XXYLT1: variants seen among roughly 807,000 people sequenced by gnomAD.
XXYLT1 encodes the protein UDP-xylose:alpha-xyloside alpha-1,3-xylosyltransferase.
In XXYLT1, 20 loss-of-function variants were observed where a neutral mutation model predicts 28.9. The ratio of observed to expected loss-of-function variants is 0.69; its 90% CI spans 0.49 to 1.00. The LOEUF (loss-of-function observed/expected upper bound fraction) is 1.00, where lower values mean the gene tolerates loss of function less well. XXYLT1 is among the 50% of genes least tolerant of loss of function. The probability of loss-of-function intolerance (pLI) is 0.00; values close to 1 mark genes in which losing one functional copy is unlikely to be tolerated. For synonymous variants in XXYLT1, 257 were observed against 253.8 expected, an observed-to-expected ratio of 1.01 and a Z score of -0.12; for missense variants, 542 against 560.1, an observed-to-expected ratio of 0.97 and a Z score of 0.33.
chr3:195,082,828 A>G (rs1346619539), intron 3 of XXYLT1, among the ~76,000 whole-genome samples: 2 of 151,838 alleles, frequency 1.3e-5, no homozygotes, highest in Non-Finnish European at 2.9e-5. Context: ...GTGAAACTCC[A>G]TCTCAAAAAA....
At chr3:195,143,875 T>TAG (rs1202493178) in intron 3 of XXYLT1, among the ~76,000 whole-genome samples, 3 of 120,182 alleles carry the variant, frequency 2.5e-5, no homozygotes, top group Non-Finnish European at 5.0e-5. Context: ...GATATAGATA[T>TAG]ATATATATAT....
chr3:195,082,775 G>A (rs886376255), intron 3 of XXYLT1, among the ~76,000 whole-genome samples: 2 of 152,012 alleles, frequency 1.3e-5, no homozygotes, highest in South Asian at 2.1e-4. Context: ...CTTGAACCCC[G>A]GGGGAAGGAG....
At chr3:195,245,548 C>T (rs1485789803) in intron 1 of XXYLT1, among the ~76,000 whole-genome samples, 1 of 152,138 alleles carries the variant, frequency 6.6e-6, no homozygotes, top group Admixed American at 6.5e-5. Context: ...GTCCAGAAGC[C>T]ATTTAATTTG....
At chr3:195,193,686 G>A (rs1246819016) in intron 2 of XXYLT1, among the ~76,000 whole-genome samples, 1 of 152,146 alleles carries the variant, frequency 6.6e-6, no homozygotes, top group African/African-American at 2.4e-5. Context: ...GCACAGGAAA[G>A]GCTTATAGAT....
chr3:195,243,235 A>G (rs1489611567), intron 1 of XXYLT1, among the ~76,000 whole-genome samples: 1 of 152,106 alleles, frequency 6.6e-6, no homozygotes, highest in Non-Finnish European at 1.5e-5. Context: ...GGGGAAGGAT[A>G]GCATTAGGAG....
rs78130328 is a variant in XXYLT1, at chr3:195,208,133, G to A, written c.652+18576C>T. Among the ~76,000 whole-genome samples the A allele has an allele frequency of 6.4e-3, 978 of 152,332 alleles. 2 individuals carry two copies. Among genetic ancestry groups the A allele is most frequent in the Non-Finnish European group, 0.011 (733 of 68,026 alleles). The stretch of plus-strand genomic sequence containing the variant: ...CGACTCCTAGGAGGCAGGGATGACC[G>A]GGGGCCGTGTTAGAGGCTGCCCACC... On this transcript the variant is annotated intron_variant, in intron 2 of 3. Transcript: ENST00000310380.
At chr3:195,106,325 G>A (rs1278106110) in intron 3 of XXYLT1, among the ~76,000 whole-genome samples, 1 of 152,124 alleles carries the variant, frequency 6.6e-6, no homozygotes, top group Non-Finnish European at 1.5e-5. Flanking sequence ...TTGATGGAGA[G>A]ATGCTCTTGT....
chr3:195,072,555 G>A (rs1468445646), intron 3 of XXYLT1, among the ~76,000 whole-genome samples: 3 of 152,164 alleles, frequency 2.0e-5, no homozygotes, highest in African/African-American at 7.2e-5. Context: ...GCTCTTTGGG[G>A]ACAATGCTCA....
In XXYLT1 at chr3:195,069,876, G is replaced by A; in HGVS notation, c.1021C>T (p.His341Tyr). The change falls in exon 4 of 4, where the codon CAC (histidine) becomes TAC (tyrosine). Residue 341 changes from histidine (H) to tyrosine (Y), a missense_variant. Transcript: ENST00000310380. ...TCCAGCACATGGAAGAGCTTGGGGT[G>A]CTCCATGCCGATCATGGTGAAGAAG... The part of the protein sequence containing the change: ...QDFFTMIGME[H>Y]PKLFHVLDCT... The A allele has an allele frequency of 6.2e-7, 1 of 1,614,154 alleles. No individual in the cohort carries two copies. The highest frequency in any genetic ancestry group is 8.5e-7 in the Non-Finnish European group (1 of 1,180,038).
At chr3:195,113,498 T>G (rs1717890046) in intron 3 of XXYLT1, among the ~76,000 whole-genome samples, 1 of 152,234 alleles carries the variant, frequency 6.6e-6, no homozygotes. Context: ...AGCGGTTTAC[T>G]GGTTTGTCCA....
intron 1 of XXYLT1, among the ~76,000 whole-genome samples, chr3:195,267,888 T>A (rs749171454): frequency 4.6e-5 from 7 of 152,012 alleles, no homozygotes; most frequent in Non-Finnish European, 8.8e-5. Flanking sequence ...TGAGGAAGAA[T>A]TAAATCACAA....
At chr3:195,243,050 G>A (rs6791397) in intron 1 of XXYLT1, among the ~76,000 whole-genome samples, 9 of 152,052 alleles carry the variant, frequency 5.9e-5, no homozygotes, top group African/African-American at 1.9e-4. Context: ...ATGAGTTCAC[G>A]TCCTTTGTAG....
intron 1 of XXYLT1, among the ~76,000 whole-genome samples, chr3:195,250,960 A>C (rs1725230649): frequency 6.6e-6 from 1 of 152,176 alleles, no homozygotes. Flanking sequence ...GCTCATCTCA[A>C]AGCAGCACTC....
rs1726010071 is a variant in XXYLT1 at position 195,271,007 on chromosome 3, C to A, written c.52G>T (p.Gly18Cys). The A allele has an allele frequency of 1.4e-6, 2 of 1,475,402 alleles. No homozygotes were observed. The highest frequency in any genetic ancestry group is 1.8e-6 in the Non-Finnish European group (2 of 1,118,310). 91.4% of individuals were successfully genotyped at this position (1,475,402 alleles called of 1,614,324 possible). Residue 18 changes from glycine to cysteine, a missense_variant, in exon 1 of 4, where the codon GGC (glycine) becomes TGC (cysteine). Coordinates refer to ENST00000310380, the MANE Select transcript of XXYLT1 (RefSeq NM_152531.5). ...LPCARAMARLGAVRSHYCALL... is the reference protein window; with the variant it reads ...LPCARAMARLCAVRSHYCALL... ...GCGCAGTAGTGGGAGCGCACAGCGC[C>A]CAGGCGCGCCATGGCCCGAGCGCAT... is the stretch of plus-strand genomic sequence containing the variant.
chr3:195,150,800 TCACA>T lies in XXYLT1; in HGVS notation c.785+5645_785+5648del, dbSNP rs1280907245. Among the ~76,000 whole-genome samples the T allele has an allele frequency of 8.4e-6, 1 of 119,428 alleles. No individual in the cohort carries two copies. Among genetic ancestry groups the T allele is most frequent in the Non-Finnish European group, 1.8e-5 (1 of 55,104 alleles). 78.3% of individuals were successfully genotyped at this position (119,428 alleles called of 152,430 possible). On this transcript the variant is annotated intron_variant, in intron 3 of 3. Transcript: ENST00000310380. The surrounding 1 kb of genome is among the most constrained non-coding windows in gnomAD (Gnocchi z 4.7). ...CACACTCACACACATATGCACACTC[TCACA>T]CACTCACATACACACACACTCACAC...
intron 3 of XXYLT1, among the ~76,000 whole-genome samples, chr3:195,138,628 C>T (rs1370517896): frequency 1.3e-5 from 2 of 152,002 alleles, no homozygotes; most frequent in East Asian, 3.9e-4. Context: ...GAGGCCGAGG[C>T]GGGTGGGTCA....
chr3:195,265,911 C>T (rs1725835978), intron 1 of XXYLT1, among the ~76,000 whole-genome samples: 1 of 152,194 alleles, frequency 6.6e-6, no homozygotes, highest in East Asian at 1.9e-4. Flanking sequence ...TGAAACGAGA[C>T]ATAAATTCAA....
intron 2 of XXYLT1, among the ~76,000 whole-genome samples, chr3:195,190,102 C>T (rs1176290449): frequency 3.4e-5 from 5 of 147,908 alleles, no homozygotes; most frequent in African/African-American, 5.3e-5. Context: ...CCAAGAATTC[C>T]GTATCTAGCA....
intron 1 of XXYLT1, among the ~76,000 whole-genome samples, chr3:195,237,594 A>T (rs1355980410): frequency 6.6e-6 from 1 of 151,706 alleles, no homozygotes; most frequent in Non-Finnish European, 1.5e-5. Flanking sequence ...TCTTGTGAGG[A>T]GGATGGTTGG....
Sources: allele counts gnomAD v4.1 joint callset (sites outside exome capture counted in the v4.1 genomes callset), GRCh38; gene constraint gnomAD v4.1.1; non-coding constraint Gnocchi (gnomAD v3.1); transcripts MANE v1.5; gene names NCBI Gene and HGNC (gene_info 2026-07-23, HGNC 2026-07-21).